CALB2: variants seen among roughly 807,000 people sequenced by gnomAD.
CALB2 encodes calbindin 2.
CALB2 carries 34 observed loss-of-function variants against 45.9 expected under a neutral mutation model. The ratio of observed to expected loss-of-function variants is 0.74; its 90% confidence interval spans 0.56 to 0.99. The LOEUF (loss-of-function observed/expected upper bound fraction) is 0.99. Ranked by LOEUF, CALB2 falls within the 50% of genes least tolerant of loss-of-function variation. The pLI is 0.00. For synonymous variants in CALB2, 142 were observed against 129.6 expected (o/e 1.10, Z -0.65); for missense variants, 344 against 339.3 (o/e 1.01, Z -0.11).
chr16:71,377,655 G>T lies in CALB2; in HGVS notation c.262-12G>T, dbSNP rs766599222. The T allele has an allele frequency of 6.2e-6, 10 of 1,606,968 alleles. No individual in the cohort carries two copies. The South Asian group carries it at 1.1e-4, about 18-fold the overall frequency. ...CTCCATAACGTTAGTGTCGCTCTCT[G>T]TATCTTCACAGCTGGCGCAGATCCT... On this transcript the variant is annotated splice_polypyrimidine_tract_variant and intron_variant, in intron 3 of 10. Transcript: ENST00000302628.
intron 1 of CALB2, 152 bp from the exon 2 acceptor site, chr16:71,372,001 G>A (rs2042356645): frequency 1.6e-6 from 1 of 630,016 alleles, no homozygotes; most frequent in Admixed American, 3.0e-5. Context: ...AATGCCCTGA[G>A]GGCTGGACCC....
At position 71,380,198 on chromosome 16, in the gene CALB2, G is replaced by A. The variant is rs376363271; in HGVS notation, c.342+2451G>A. On this transcript the variant is annotated intron_variant, in intron 4 of 10. Coordinates refer to ENST00000302628, the MANE Select transcript of CALB2 (RefSeq NM_001740.5). The stretch of plus-strand genomic sequence containing the variant: ...ACAGAGGAGCTAAAAGCATCTCCCC[G>A]GACCCTTTTCTCTTTCTCAAAATCA... 9.9e-5 allele frequency among the ~76,000 whole-genome samples: 15 copies of A among 151,214 alleles called. No homozygotes were observed. The East Asian group carries it at 2.3e-3, about 24-fold the overall frequency.
intron 3 of CALB2, among the ~76,000 whole-genome samples, chr16:71,375,889 C>T (rs1172301853): frequency 6.6e-6 from 1 of 152,192 alleles, no homozygotes; most frequent in Non-Finnish European, 1.5e-5. Context: ...CCTCTTTGGG[C>T]AAGGAGGGGA....
intron 1 of CALB2, among the ~76,000 whole-genome samples, chr16:71,366,685 G>A (rs1164796572): frequency 6.6e-6 from 1 of 152,128 alleles, no homozygotes. Context: ...AGGCTAACGG[G>A]TTTTCATCTA....
Position 71,389,918 on chromosome 16 carries a change from C to A in CALB2, c.*53C>A. 1 of 1,267,576 alleles carries A rather than the reference C, an allele frequency of 7.9e-7. No homozygotes were observed. The highest frequency in any genetic ancestry group is 1.5e-5 in the African/African-American group (1 of 68,490). 78.5% of individuals were successfully genotyped at this position (1,267,576 alleles called of 1,614,324 possible). ...TCCCCCAAACCCTGCTTCTGCTGCC[C>A]TGATGCGTCTACCCAGACTCAGAGA... On this transcript the variant is annotated 3_prime_UTR_variant, in exon 11 of 11. Coordinates refer to ENST00000302628, the MANE Select transcript of CALB2 (RefSeq NM_001740.5).
At chr16:71,382,304 C>T (rs1263883005) in intron 4 of CALB2, among the ~76,000 whole-genome samples, 1 of 152,232 alleles carries the variant, frequency 6.6e-6, no homozygotes, top group Non-Finnish European at 1.5e-5. Flanking sequence ...CACTGCCCCT[C>T]CTGTGGCTTT....
chr16:71,358,909 G>T lies in CALB2; in HGVS notation c.94+23G>T, dbSNP rs751227285. 14 of 1,602,960 alleles carry T rather than the reference G, an allele frequency of 8.7e-6. No individual in the cohort carries two copies. The Admixed American group carries it at 2.2e-4, about 25-fold the overall frequency. On this transcript the variant is annotated intron_variant, in intron 1 of 10. Transcript: ENST00000302628. ...ACGGTCAGTAAAGCTCCCAACTTCT[G>T]TGCCCATTGGCACCCAGGGGACCTG... is the stretch of plus-strand genomic sequence containing the variant.
chr16:71,386,607 C>T (rs1277441303), intron 10 of CALB2, among the ~76,000 whole-genome samples: 1 of 152,216 alleles, frequency 6.6e-6, no homozygotes, highest in Non-Finnish European at 1.5e-5. Flanking sequence ...GGTGGAACGG[C>T]AGCCAGGAGC....
intron 1 of CALB2, among the ~76,000 whole-genome samples, chr16:71,369,988 C>T (rs1350992607): frequency 6.6e-6 from 1 of 152,214 alleles, no homozygotes; most frequent in African/African-American, 2.4e-5. Flanking sequence ...ACAGGAACCA[C>T]ACTCTTCTGA....
chr16:71,385,225 G>T, intron 9 of CALB2: 1 of 345,700 alleles, frequency 2.9e-6, no homozygotes, highest in Non-Finnish European at 5.4e-6. Flanking sequence ...TCCCTGGGCT[G>T]TCCCCTGCCC....
intron 9 of CALB2, chr16:71,385,194 G>A: frequency 2.8e-6 from 1 of 352,436 alleles, no homozygotes. Context: ...TTGGAAGTTA[G>A]ATGATCTCCA....
chr16:71,389,190 A>C (rs551184217), intron 10 of CALB2, among the ~76,000 whole-genome samples: 174 of 152,122 alleles, frequency 1.1e-3, no homozygotes, highest in African/African-American at 3.9e-3. Flanking sequence ...TCCGCCTCAA[A>C]ATAAAAAAAA....
chr16:71,363,056 C>T (rs1237779574), intron 1 of CALB2, among the ~76,000 whole-genome samples: 3 of 151,536 alleles, frequency 2.0e-5, no homozygotes, highest in African/African-American at 4.9e-5. Context: ...TGGTGGCGCA[C>T]GCCTGTAGTC....
chr16:71,369,662 C>T (rs1022596185), intron 1 of CALB2, among the ~76,000 whole-genome samples: 4 of 152,198 alleles, frequency 2.6e-5, no homozygotes, highest in Admixed American at 2.0e-4. Context: ...GACACGCACT[C>T]GTGGTGCCAG....
chr16:71,374,890 C>A, intron 3 of CALB2, 56 bp downstream of exon 3: 2 of 1,218,740 alleles, frequency 1.6e-6, no homozygotes, highest in Non-Finnish European at 2.4e-6. Flanking sequence ...GGTCCCTGTG[C>A]CTCTCCCAGG....
At chr16:71,376,558 C>A (rs562187941) in intron 3 of CALB2, among the ~76,000 whole-genome samples, 2 of 151,898 alleles carry the variant, frequency 1.3e-5, no homozygotes, top group South Asian at 4.2e-4. Context: ...ACCACACACA[C>A]CCACATACAT....
intron 4 of CALB2, among the ~76,000 whole-genome samples, chr16:71,382,459 A>G (rs2042509979): frequency 6.6e-6 from 1 of 152,212 alleles, no homozygotes; most frequent in South Asian, 2.1e-4. Context: ...ATTACATCCC[A>G]CTTTCGATGG....
chr16:71,384,405 C>T (rs759567331), intron 8 of CALB2, 27 bp downstream of exon 8: 7 of 1,532,134 alleles, frequency 4.6e-6, no homozygotes, highest in African/African-American at 1.4e-5. Flanking sequence ...CTTCCTTCCC[C>T]CTTCCCTCAT....
At chr16:71,382,668 G>A in intron 4 of CALB2, 51 bp from the exon 5 acceptor site, 1 of 1,582,828 alleles carries the variant, frequency 6.3e-7, no homozygotes, top group Non-Finnish European at 8.6e-7. Context: ...AAGGGAGGTG[G>A]GTAGATTTTG....
Sources: allele counts gnomAD v4.1 joint callset (sites outside exome capture counted in the v4.1 genomes callset), GRCh38; gene constraint gnomAD v4.1.1; transcripts MANE v1.5; gene names NCBI Gene and HGNC (gene_info 2026-07-23, HGNC 2026-07-21).